The following ACSM1 variants were observed in gnomAD, a reference collection of about 807,000 sequenced individuals.
ACSM1 encodes acyl-CoA synthetase medium chain family member 1, also known as acyl-coenzyme A synthetase ACSM1, mitochondrial.
Under a neutral mutation model 75.8 loss-of-function variants are expected in ACSM1, and 79 were observed. The observed-to-expected ratio is 1.04, with a 90% CI of 0.87 to 1.26. ACSM1 has a LOEUF of 1.26. ACSM1 is among the 50% of genes most tolerant of loss of function. The pLI, the probability that ACSM1 is intolerant of heterozygous loss-of-function variation, is 0.00. For missense variants in ACSM1, 676 were observed against 720.1 expected (o/e 0.94, Z 0.70); for synonymous variants, 279 against 265.8 (o/e 1.05, Z -0.48).
At chr16:20,623,974 A>G in intron 13 of ACSM1, 122 bp downstream of exon 13, 1 of 1,425,666 alleles carries the variant, frequency 7.0e-7, no homozygotes, top group South Asian at 1.3e-5. Context: ...GAGCAGAAAA[A>G]GAGCCTTCAG....
intron 1 of ACSM1, among the ~76,000 whole-genome samples, chr16:20,694,393 T>C (rs1403628185): frequency 1.3e-5 from 2 of 152,230 alleles, no homozygotes; most frequent in Non-Finnish European, 2.9e-5. Context: ...ATTCAAGTCC[T>C]ATTTCTTTAC....
chr16:20,658,727 G>T (rs1050751369), intron 7 of ACSM1, among the ~76,000 whole-genome samples: 14 of 151,946 alleles, frequency 9.2e-5, no homozygotes, highest in African/African-American at 3.2e-4. Flanking sequence ...TAAGAATTTA[G>T]ATATTGAGGA....
At chr16:20,662,388 A>C (rs760133131) in intron 6 of ACSM1, among the ~76,000 whole-genome samples, 11 of 152,192 alleles carry the variant, frequency 7.2e-5, no homozygotes, top group Non-Finnish European at 1.3e-4. Flanking sequence ...AATATGATTT[A>C]TTTAGACCCA....
chr16:20,673,704 G>C (rs1596915165), intron 4 of ACSM1, among the ~76,000 whole-genome samples: 1 of 152,112 alleles, frequency 6.6e-6, no homozygotes, highest in African/African-American at 2.4e-5. Flanking sequence ...ATAAGCCATA[G>C]TTGGCAATTC....
At chr16:20,672,813 T>C (rs1240532208) in intron 4 of ACSM1, among the ~76,000 whole-genome samples, 1 of 89,270 alleles carries the variant, frequency 1.1e-5, no homozygotes, top group Non-Finnish European at 1.9e-5. Flanking sequence ...TAATATATAA[T>C]ATATATTATA....
intron 5 of ACSM1, among the ~76,000 whole-genome samples, chr16:20,671,298 CCTCCTTTGT>C (rs1425044924): frequency 1.4e-4 from 22 of 152,108 alleles, no homozygotes; most frequent in Admixed American, 1.1e-3. Flanking sequence ...CCTAAATGTG[CCTCCTTTGT>C]CACTCTCAGG....
chr16:20,678,120 C>T (rs2079349607), intron 4 of ACSM1, among the ~76,000 whole-genome samples: 1 of 152,040 alleles, frequency 6.6e-6, no homozygotes, highest in South Asian at 2.1e-4. Flanking sequence ...CCAGAGATTC[C>T]CCTTCTGTAG....
At chr16:20,650,048 A>C (rs1442708240) in intron 7 of ACSM1, among the ~76,000 whole-genome samples, 1 of 152,140 alleles carries the variant, frequency 6.6e-6, no homozygotes, top group Non-Finnish European at 1.5e-5. Flanking sequence ...ACTGAAGCCT[A>C]TTCTTTTGAG....
chr16:20,692,632 G>A (rs1312547845), intron 1 of ACSM1, among the ~76,000 whole-genome samples: 2 of 152,226 alleles, frequency 1.3e-5, no homozygotes, highest in Non-Finnish European at 2.9e-5. Context: ...AGAAAACAAA[G>A]AGGAAATGGG....
chr16:20,690,219 G>A (rs1388206944), intron 2 of ACSM1, among the ~76,000 whole-genome samples: 1 of 152,120 alleles, frequency 6.6e-6, no homozygotes, highest in Non-Finnish European at 1.5e-5. Context: ...TCCATCTCAG[G>A]GGGATTCTCT....
chr16:20,633,981 T>C (rs1211635951), intron 10 of ACSM1, among the ~76,000 whole-genome samples: 1 of 152,170 alleles, frequency 6.6e-6, no homozygotes, highest in Non-Finnish European at 1.5e-5. Flanking sequence ...ACCTCAAAAC[T>C]TACTACAAAA....
At chr16:20,675,304 C>A (rs545043746) in intron 4 of ACSM1, among the ~76,000 whole-genome samples, 1 of 152,066 alleles carries the variant, frequency 6.6e-6, no homozygotes, top group Non-Finnish European at 1.5e-5. Flanking sequence ...GAGGCCAATG[C>A]GGGGAGTAAT....
intron 1 of ACSM1, among the ~76,000 whole-genome samples, chr16:20,694,404 G>C (rs962279131): frequency 1.3e-5 from 2 of 152,066 alleles, no homozygotes; most frequent in African/African-American, 4.8e-5. Flanking sequence ...ATTTCTTTAC[G>C]GCACCAAGGA....
In ACSM1 at chr16:20,625,438, G is replaced by C. The variant is rs1394876071; in HGVS notation, c.1512C>G (p.Asp504Glu). The change falls in exon 12 of 14, where the codon GAC becomes GAG. Residue 504 changes from aspartate to glutamate, a missense_variant. Coordinates refer to ENST00000520010, the MANE Select transcript of ACSM1 (RefSeq NM_001318890.3). ...VAESAVVGSPDPIRGEVVKAF... is the reference protein window; with the variant it reads ...VAESAVVGSPEPIRGEVVKAF... Reference sequence around the variant, plus strand: ...TTCTCCTCACCTCCCCTCGAATCGGGTCTGGGCTGCCCACCACGGCTGACT... The same window carrying C: ...TTCTCCTCACCTCCCCTCGAATCGGCTCTGGGCTGCCCACCACGGCTGACT... 1.1e-5 allele frequency: 18 copies of C among 1,613,960 alleles called. No individual in the cohort carries two copies. Among genetic ancestry groups the C allele is most frequent in the Non-Finnish European group, 1.4e-5 (16 of 1,180,048 alleles).
intron 3 of ACSM1, among the ~76,000 whole-genome samples, chr16:20,683,095 C>CTCTGAATT (rs2152312894): frequency 6.6e-6 from 1 of 151,544 alleles, no homozygotes; most frequent in South Asian, 2.1e-4. Context: ...CTTTTTTTTC[C>CTCTGAATT]TCTGAATTTC....
At chr16:20,685,895 T>C (rs2079546693) in intron 2 of ACSM1, among the ~76,000 whole-genome samples, 2 of 150,836 alleles carry the variant, frequency 1.3e-5, no homozygotes, top group Admixed American at 1.3e-4. Context: ...GCGGGACTTC[T>C]GGCCTACTGT....
chr16:20,629,798 C>T (rs2017224846), intron 10 of ACSM1, among the ~76,000 whole-genome samples: 2 of 152,054 alleles, frequency 1.3e-5, no homozygotes, highest in South Asian at 4.1e-4. Flanking sequence ...TGGAGACCAT[C>T]CTGGCCAACA....
chr16:20,685,429 T>A, intron 2 of ACSM1, 26 bp from the exon 3 acceptor site: 1 of 1,610,286 alleles, frequency 6.2e-7, no homozygotes, highest in Non-Finnish European at 8.5e-7. Flanking sequence ...TATTATGTGT[T>A]ATTTTCTGCT....
chr16:20,638,970 T>C (rs163236), intron 8 of ACSM1, among the ~76,000 whole-genome samples: 2 of 152,068 alleles, frequency 1.3e-5, no homozygotes, highest in Admixed American at 6.5e-5. Flanking sequence ...TGTCAGCATT[T>C]TTCAGGTCTG....
Sources: allele counts gnomAD v4.1 joint callset (sites outside exome capture counted in the v4.1 genomes callset), GRCh38; gene constraint gnomAD v4.1.1; transcripts MANE v1.5; gene names NCBI Gene and HGNC (gene_info 2026-07-23, HGNC 2026-07-21).